The following LY86 variants were observed in gnomAD, a reference collection of about 807,000 sequenced individuals.
LY86 encodes the protein MD-1, RP105-associated.
LY86 carries 20 observed loss-of-function variants against 17.3 expected under a neutral mutation model. The observed-to-expected ratio is 1.15, with a 90% CI of 0.81 to 1.68. The LOEUF (loss-of-function observed/expected upper bound fraction) is 1.68, where lower values mean the gene tolerates loss of function less well. Among genes scored for constraint, LY86 ranks in the 40% most tolerant of loss-of-function variants. LY86 has a pLI of 0.00. For synonymous variants in LY86, 74 were observed against 70.6 expected, an observed-to-expected ratio of 1.05 and a Z score of -0.24; for missense variants, 200 against 191.9, an observed-to-expected ratio of 1.04 and a Z score of -0.25.
chr6:6,603,603 C>CAAAAAAAAAAAA (rs1207511602), intron 1 of LY86, among the ~76,000 whole-genome samples: 9 of 70,486 alleles, frequency 1.3e-4, no homozygotes, highest in South Asian at 4.3e-4. Context: ...AAAACAGAAA[C>CAAAAAAAAAAAA]AGAAAAAAAA....
At chr6:6,597,359 C>G (rs1212713785) in intron 1 of LY86, among the ~76,000 whole-genome samples, 1 of 152,152 alleles carries the variant, frequency 6.6e-6, no homozygotes, top group East Asian at 1.9e-4. Flanking sequence ...TTAGAGCAGT[C>G]AGAAGGCACA....
At chr6:6,627,255 C>A (rs1417577079) in intron 3 of LY86, among the ~76,000 whole-genome samples, 1 of 152,220 alleles carries the variant, frequency 6.6e-6, no homozygotes, top group Non-Finnish European at 1.5e-5. Flanking sequence ...TATCTATTTT[C>A]TCATTCAAGA....
intron 1 of LY86, among the ~76,000 whole-genome samples, chr6:6,605,164 A>G (rs1425505749): frequency 6.6e-6 from 1 of 152,194 alleles, no homozygotes; most frequent in Non-Finnish European, 1.5e-5. Flanking sequence ...TTATCAATGA[A>G]TGTAATGATG....
chr6:6,648,390 G>A (rs960698067), intron 3 of LY86, among the ~76,000 whole-genome samples: 2 of 152,062 alleles, frequency 1.3e-5, no homozygotes, highest in Non-Finnish European at 2.9e-5. Context: ...ATCTTTCCAA[G>A]CTCTTCTCAA....
chr6:6,612,275 A>G (rs867900672), intron 1 of LY86, among the ~76,000 whole-genome samples: 3 of 152,268 alleles, frequency 2.0e-5, no homozygotes, highest in Middle Eastern at 3.4e-3. Flanking sequence ...ATGTGTTCTG[A>G]GTTTCTTTCT....
chr6:6,649,476 T>C (rs1762154880), intron 3 of LY86, 149 bp from the exon 4 acceptor site: 1 of 594,360 alleles, frequency 1.7e-6, no homozygotes, highest in South Asian at 2.1e-5. Flanking sequence ...ATGGTAGGTG[T>C]AGATCAGGAA....
intron 1 of LY86, among the ~76,000 whole-genome samples, chr6:6,604,777 G>C (rs972068392): frequency 2.0e-5 from 3 of 150,988 alleles, no homozygotes; most frequent in Non-Finnish European, 4.4e-5. Context: ...CAGTTTCCCA[G>C]AGATTCGTAA....
chr6:6,607,030 G>A (rs1428042236), intron 1 of LY86, among the ~76,000 whole-genome samples: 1 of 152,264 alleles, frequency 6.6e-6, no homozygotes, highest in East Asian at 1.9e-4. Context: ...TCCAGAGGAG[G>A]GGATTGCACG....
intron 1 of LY86, among the ~76,000 whole-genome samples, chr6:6,617,880 G>A (rs1356583201): frequency 2.0e-4 from 30 of 152,096 alleles, no homozygotes; most frequent in African/African-American, 6.8e-4. Flanking sequence ...TCACTCTGTC[G>A]CTCAGGTTGG....
chr6:6,599,569 G>A (rs1324737217), intron 1 of LY86, among the ~76,000 whole-genome samples: 2 of 152,196 alleles, frequency 1.3e-5, no homozygotes, highest in Non-Finnish European at 2.9e-5. Flanking sequence ...TGCGGCTACT[G>A]GTGAAGCATT....
chr6:6,613,021 T>A (rs1005756203), intron 1 of LY86, among the ~76,000 whole-genome samples: 1 of 152,160 alleles, frequency 6.6e-6, no homozygotes, highest in African/African-American at 2.4e-5. Flanking sequence ...TGCTGATTGG[T>A]GTATTTACAA....
chr6:6,590,191 C>A (rs111462221), intron 1 of LY86, among the ~76,000 whole-genome samples: 17 of 151,398 alleles, frequency 1.1e-4, no homozygotes, highest in South Asian at 4.2e-4. Context: ...TAGTCCCCCC[C>A]CAGTCTGCTA....
chr6:6,603,615 C>CAAA lies in LY86; in HGVS notation c.136+14746_136+14748dup, dbSNP rs1221531073. On this transcript the variant is annotated intron_variant, in intron 1 of 4. Coordinates refer to ENST00000230568, the MANE Select transcript of LY86 (RefSeq NM_004271.4). ...ACAAAAACAGAAACAGAAAAAAAAA[C>CAAA]AAACAAAAAAAAACAAAACACACAC... Among the ~76,000 whole-genome samples the CAAA allele has an allele frequency of 6.2e-4, 71 of 114,172 alleles. 3 individuals are homozygous for CAAA. Among genetic ancestry groups the CAAA allele is most frequent in the East Asian group, 4.2e-3 (17 of 4,034 alleles). The allele number at this position is 114,172 out of a possible 152,430, so 74.9% of individuals were successfully genotyped here.
intron 3 of LY86, among the ~76,000 whole-genome samples, chr6:6,642,362 A>G (rs3804488): frequency 0.64 from 97,038 of 152,200 alleles, 31,514 homozygotes; most frequent in African/African-American, 0.76. Flanking sequence ...GGGAGACACA[A>G]AGGACTCAGA....
intron 1 of LY86, among the ~76,000 whole-genome samples, chr6:6,594,399 A>G (rs1340820196): frequency 1.3e-5 from 2 of 152,124 alleles, no homozygotes; most frequent in African/African-American, 4.8e-5. Flanking sequence ...GTGTCCATAA[A>G]TACAGTTTTA....
At chr6:6,643,170 G>T (rs937678609) in intron 3 of LY86, among the ~76,000 whole-genome samples, 4 of 152,102 alleles carry the variant, frequency 2.6e-5, no homozygotes, top group Non-Finnish European at 5.9e-5. Context: ...ATTTTTTGAG[G>T]AATCTCCACA....
At chr6:6,603,719 G>A (rs1481761249) in intron 1 of LY86, among the ~76,000 whole-genome samples, 2 of 151,054 alleles carry the variant, frequency 1.3e-5, no homozygotes. Flanking sequence ...CCATTAACCA[G>A]AACTTAGGCT....
chr6:6,599,685 A>G (rs1214252874), intron 1 of LY86, among the ~76,000 whole-genome samples: 1 of 152,218 alleles, frequency 6.6e-6, no homozygotes, highest in African/African-American at 2.4e-5. Context: ...CCACAGGCAG[A>G]CGGGGTTCCC....
chr6:6,610,927 G>A (rs1024831270), intron 1 of LY86, among the ~76,000 whole-genome samples: 9 of 152,306 alleles, frequency 5.9e-5, no homozygotes, highest in Admixed American at 4.6e-4. Flanking sequence ...ATTTTGCCAA[G>A]GAAGGCTCCT....
Sources: gnomAD v4.1 joint callset for allele counts (sites outside exome capture counted in the v4.1 genomes callset) on GRCh38, gnomAD v4.1.1 for gene constraint, MANE v1.5 for transcripts, NCBI Gene and HGNC (gene_info 2026-07-23, HGNC 2026-07-21) for gene names.